SEMA6D: variants seen among roughly 807,000 people sequenced by gnomAD.
SEMA6D encodes the protein semaphorin 6D.
A neutral mutation model predicts 106.6 loss-of-function variants in SEMA6D; 35 were observed. The observed-to-expected ratio is 0.33, with a 90% CI of 0.25 to 0.44. The LOEUF is 0.44. Ranked by LOEUF, SEMA6D falls within the 20% of genes least tolerant of loss-of-function variation. The pLI is 1.00. For missense variants in SEMA6D, 1,185 were observed against 1,345.9 expected (o/e 0.88, Z 1.87); for synonymous variants, 499 against 487.7 (o/e 1.02, Z -0.31).
At chr15:47,759,517 C>T (rs995449129) in intron 1 of SEMA6D, among the ~76,000 whole-genome samples, 1 of 152,168 alleles carries the variant, frequency 6.6e-6, no homozygotes, top group African/African-American at 2.4e-5. Flanking sequence ...CCAAAATTCT[C>T]GTGAATTTGC....
At chr15:47,629,076 G>A (rs1434784617) in intron 4 of SEMA6D, among the ~76,000 whole-genome samples, 1 of 151,946 alleles carries the variant, frequency 6.6e-6, no homozygotes, top group East Asian at 1.9e-4. Context: ...TCTCTATTCA[G>A]TGTCATTGAT....
chr15:47,644,227 C>T (rs2077540319), intron 4 of SEMA6D, among the ~76,000 whole-genome samples: 2 of 152,114 alleles, frequency 1.3e-5, no homozygotes, highest in South Asian at 4.1e-4. Context: ...AAATCAGTGT[C>T]CTGCATATTG....
intron 3 of SEMA6D, among the ~76,000 whole-genome samples, chr15:47,481,261 T>C (rs996044923): frequency 9.2e-5 from 14 of 152,130 alleles, no homozygotes; most frequent in Non-Finnish European, 1.9e-4. Context: ...ACTCTCCCAG[T>C]TGCAGGGTTC....
intron 1 of SEMA6D, among the ~76,000 whole-genome samples, chr15:47,264,152 C>A (rs2034206860): frequency 6.6e-6 from 1 of 151,886 alleles, no homozygotes; most frequent in Non-Finnish European, 1.5e-5. Context: ...GATGAGGACA[C>A]ATGGACACAT....
chr15:47,575,502 G>A (rs974260274), intron 3 of SEMA6D, among the ~76,000 whole-genome samples: 12 of 152,078 alleles, frequency 7.9e-5, no homozygotes, highest in Non-Finnish European at 1.8e-4. Context: ...GGCAGATCAC[G>A]AGGTCAGGAG....
Position 47,771,008 on chromosome 15 carries a change from T to A in SEMA6D, c.2445T>A (p.Pro815=). ...TPQFFPSSPP[P]HSPLSHGHIP... is the part of the protein sequence containing the mutation. ...AGTTTTTTCCGTCTAGTCCGCCACC[T>A]CATTCCCCATTAAGTCATGGGCATA... Residue 815 remains proline, a synonymous_variant, in exon 19 of 19, where the codon CCT becomes CCA. Transcript: ENST00000536845. 2 of 1,614,094 alleles carry A rather than the reference T, an allele frequency of 1.2e-6. No homozygotes were observed. Among genetic ancestry groups the A allele is most frequent in the Non-Finnish European group, 1.7e-6 (2 of 1,179,990 alleles).
chr15:47,524,198 A>C (rs962933855), intron 3 of SEMA6D, among the ~76,000 whole-genome samples: 3 of 152,206 alleles, frequency 2.0e-5, no homozygotes, highest in Admixed American at 2.0e-4. Context: ...TGCATGGCGA[A>C]TGTTGCCATA....
At chr15:47,569,245 T>A (rs1390753937) in intron 3 of SEMA6D, among the ~76,000 whole-genome samples, 7 of 152,192 alleles carry the variant, frequency 4.6e-5, no homozygotes, top group Admixed American at 4.6e-4. Context: ...AATGTGATTC[T>A]GATTCTACAT....
chr15:47,730,196 C>A, intron 1 of SEMA6D: 1 of 1,543,228 alleles, frequency 6.5e-7, no homozygotes, highest in East Asian at 2.2e-5. Flanking sequence ...CTTGGCGATG[C>A]GAGCCACAGA....
chr15:47,499,723 T>C (rs186273927), intron 3 of SEMA6D, among the ~76,000 whole-genome samples: 6 of 152,264 alleles, frequency 3.9e-5, no homozygotes, highest in African/African-American at 1.4e-4. Flanking sequence ...GTTCTTTAAA[T>C]GAAAGATAAA....
intron 3 of SEMA6D, among the ~76,000 whole-genome samples, chr15:47,599,095 A>C (rs948225001): frequency 6.6e-6 from 1 of 152,132 alleles, no homozygotes; most frequent in Non-Finnish European, 1.5e-5. Context: ...TGCAGATTTC[A>C]TAGAGCAGGC....
In SEMA6D at chr15:47,611,489, G is replaced by A. The variant is rs527261677; in HGVS notation, c.-55+10593G>A. ...TATAGCACTTTGTATACAATATAAC[G>A]AACGTGTGTGTGTGTTTATATGTAC... On this transcript the variant is annotated intron_variant, in intron 4 of 19. Transcript: ENST00000558014. Among the ~76,000 whole-genome samples the A allele has an allele frequency of 9.9e-5, 15 of 152,178 alleles. No individual in the cohort carries two copies. In the East Asian group the frequency reaches 2.1e-3, roughly 22 times the overall value.
chr15:47,629,561 C>A (rs766658316), intron 4 of SEMA6D, among the ~76,000 whole-genome samples: 17 of 151,914 alleles, frequency 1.1e-4, no homozygotes, highest in Non-Finnish European at 1.5e-4. Context: ...GAGTGTTTAT[C>A]ATTTTTACAT....
chr15:47,616,317 G>A (rs1324860145), intron 4 of SEMA6D, among the ~76,000 whole-genome samples: 10 of 151,882 alleles, frequency 6.6e-5, no homozygotes, highest in East Asian at 3.9e-4. Context: ...CTACAGGTGC[G>A]TGCCACCACG....
intron 1 of SEMA6D, among the ~76,000 whole-genome samples, chr15:47,298,472 A>G (rs925905077): frequency 3.3e-5 from 5 of 152,226 alleles, no homozygotes; most frequent in Non-Finnish European, 7.3e-5. Context: ...GATATGGAAT[A>G]AAATGGCATA....
intron 4 of SEMA6D, among the ~76,000 whole-genome samples, chr15:47,619,064 G>A (rs1412888490): frequency 1.3e-5 from 2 of 152,166 alleles, no homozygotes; most frequent in Non-Finnish European, 2.9e-5. Flanking sequence ...GAACTCAGCC[G>A]ACGTTGCAGG....
At chr15:47,291,362 C>T (rs1272483862) in intron 1 of SEMA6D, among the ~76,000 whole-genome samples, 1 of 152,210 alleles carries the variant, frequency 6.6e-6, no homozygotes, top group Non-Finnish European at 1.5e-5. Context: ...CTACCTCCCT[C>T]CCTCACGTTC....
intron 1 of SEMA6D, among the ~76,000 whole-genome samples, chr15:47,237,335 T>TATGTAG (rs2032614070): frequency 6.6e-6 from 1 of 152,168 alleles, no homozygotes; most frequent in Non-Finnish European, 1.5e-5. Flanking sequence ...TCCACTTAAA[T>TATGTAG]GATCACACTG....
chr15:47,745,654 C>G (rs191335071), intron 1 of SEMA6D, among the ~76,000 whole-genome samples: 1 of 152,324 alleles, frequency 6.6e-6, no homozygotes. Flanking sequence ...AGATACAGAG[C>G]CTAGACAAAA....
Sources: gnomAD v4.1 joint callset for allele counts (sites outside exome capture counted in the v4.1 genomes callset) on GRCh38, gnomAD v4.1.1 for gene constraint, MANE v1.5 for transcripts, NCBI Gene and HGNC (gene_info 2026-07-23, HGNC 2026-07-21) for gene names.